Variants in MMP16 observed in about 807,000 individuals in gnomAD.
MMP16 encodes the protein matrix metallopeptidase 16.
In MMP16, 12 loss-of-function variants were observed where a neutral mutation model predicts 67.8. The observed-to-expected ratio is 0.18, with a 90% CI of 0.11 to 0.29. The LOEUF (loss-of-function observed/expected upper bound fraction) is 0.29. MMP16 is among the 10% of genes least tolerant of loss of function. The pLI, the probability that MMP16 is intolerant of heterozygous loss-of-function variation, is 1.00. For synonymous variants in MMP16, 249 were observed against 255.9 expected, an observed-to-expected ratio of 0.97 and a Z score of 0.26; for missense variants, 475 against 765.7, an observed-to-expected ratio of 0.62 and a Z score of 4.48.
intron 4 of MMP16, among the ~76,000 whole-genome samples, chr8:88,127,425 C>T (rs1243397026): frequency 2.6e-5 from 4 of 151,690 alleles, no homozygotes; most frequent in Non-Finnish European, 5.9e-5. Flanking sequence ...ATGAAGGGAA[C>T]AGAAAACAGG....
intron 1 of MMP16, among the ~76,000 whole-genome samples, chr8:88,319,665 G>C (rs986691593): frequency 6.6e-6 from 1 of 152,130 alleles, no homozygotes; most frequent in Admixed American, 6.6e-5. Flanking sequence ...CGCATGCAGA[G>C]GCACATGTCT....
Position 88,197,844 on chromosome 8 carries a change from C to T in MMP16, c.133-538G>A, listed in dbSNP as rs116993412. On this transcript the variant is annotated intron_variant, in intron 1 of 9. Transcript: ENST00000286614. ...TGTAAATTCCATAAAACCATTCTAT[C>T]CAATCGTAGCTAGGTATCTTTTGAT... Among the ~76,000 whole-genome samples, 641 of 152,254 alleles carry T rather than the reference C, an allele frequency of 4.2e-3. 16 individuals carry two copies. Among genetic ancestry groups the T allele is most frequent in the East Asian group, 0.032 (163 of 5,172 alleles).
At position 88,061,660 on chromosome 8, in the gene MMP16, G is replaced by A. The variant is rs1184233839; in HGVS notation, c.1223-5382C>T. ...AGAAGCTTAGTTTATATGTAGTCCCGGTGTCTCAGTAGAGGATAATGTGTG... is the reference window on the plus strand; with the variant it reads ...AGAAGCTTAGTTTATATGTAGTCCCAGTGTCTCAGTAGAGGATAATGTGTG... On this transcript the variant is annotated intron_variant, in intron 7 of 9. Transcript: ENST00000286614. Among the ~76,000 whole-genome samples the A allele has an allele frequency of 2.6e-5, 4 of 151,862 alleles. No individual in the cohort carries two copies. The East Asian group carries it at 5.8e-4, about 22-fold the overall frequency.
chr8:88,238,003 T>C (rs1449728095), intron 1 of MMP16, among the ~76,000 whole-genome samples: 1 of 152,174 alleles, frequency 6.6e-6, no homozygotes, highest in Non-Finnish European at 1.5e-5. Context: ...TAACATGTAC[T>C]TCCTCCAGCC....
intron 6 of MMP16, among the ~76,000 whole-genome samples, chr8:88,110,659 C>T (rs1809319559): frequency 6.6e-6 from 1 of 151,558 alleles, no homozygotes; most frequent in Non-Finnish European, 1.5e-5. Flanking sequence ...TTTTCGGACT[C>T]TCTGCCAACA....
At chr8:88,161,795 T>A (rs1050377422) in intron 4 of MMP16, among the ~76,000 whole-genome samples, 1 of 152,180 alleles carries the variant, frequency 6.6e-6, no homozygotes, top group African/African-American at 2.4e-5. Context: ...ATTTCTGCCT[T>A]CATTTCGTTA....
At chr8:88,250,090 G>A (rs1480396078) in intron 1 of MMP16, among the ~76,000 whole-genome samples, 1 of 151,968 alleles carries the variant, frequency 6.6e-6, no homozygotes, top group Non-Finnish European at 1.5e-5. Context: ...CCAGAAATAT[G>A]TTCTAGCTGT....
At chr8:88,174,473 A>G (rs938574565) in intron 3 of MMP16, among the ~76,000 whole-genome samples, 2 of 152,214 alleles carry the variant, frequency 1.3e-5, no homozygotes, top group African/African-American at 4.8e-5. Context: ...TTATTCAACA[A>G]CCAACTTTCC....
At chr8:88,129,560 G>A (rs1318331874) in intron 4 of MMP16, among the ~76,000 whole-genome samples, 1 of 151,422 alleles carries the variant, frequency 6.6e-6, no homozygotes, top group Non-Finnish European at 1.5e-5. Flanking sequence ...TTTTCTGGAA[G>A]AGCCTGTTTT....
At chr8:88,132,294 G>T (rs527912658) in intron 4 of MMP16, among the ~76,000 whole-genome samples, 129 of 151,962 alleles carry the variant, frequency 8.5e-4, no homozygotes, top group African/African-American at 3.0e-3. Context: ...ACAACTTCAA[G>T]AATGATAATA....
chr8:88,114,055 CA>C (rs1163252352), intron 6 of MMP16, among the ~76,000 whole-genome samples: 1 of 151,672 alleles, frequency 6.6e-6, no homozygotes, highest in East Asian at 1.9e-4. Context: ...AGAAGTGTTT[CA>C]AAAAAACTTT....
chr8:88,303,329 C>G (rs1811159892), intron 1 of MMP16, among the ~76,000 whole-genome samples: 2 of 152,172 alleles, frequency 1.3e-5, no homozygotes, highest in African/African-American at 4.8e-5. Flanking sequence ...ACAAAGTTCC[C>G]AGGGAGAGGG....
chr8:88,043,470 A>G (rs1005801770), intron 9 of MMP16, among the ~76,000 whole-genome samples: 1 of 152,118 alleles, frequency 6.6e-6, no homozygotes, highest in Non-Finnish European at 1.5e-5. Context: ...TTTAGTAGAG[A>G]CAGGGTTTCT....
intron 1 of MMP16, among the ~76,000 whole-genome samples, chr8:88,274,726 T>C (rs1810617881): frequency 1.3e-5 from 2 of 152,046 alleles, no homozygotes; most frequent in South Asian, 4.1e-4. Flanking sequence ...TTCATCTGTG[T>C]TCTTTAAGAA....
chr8:88,089,048 C>A (rs1808890256), intron 6 of MMP16, among the ~76,000 whole-genome samples: 1 of 151,852 alleles, frequency 6.6e-6, no homozygotes. Context: ...AATCTAAAGA[C>A]AAAAGATAAA....
intron 1 of MMP16, among the ~76,000 whole-genome samples, chr8:88,271,164 G>A (rs1041614543): frequency 2.0e-5 from 3 of 152,136 alleles, no homozygotes; most frequent in Non-Finnish European, 4.4e-5. Context: ...TATCTAACCA[G>A]ATAGAAAAAG....
At chr8:88,246,485 G>A (rs1429784812) in intron 1 of MMP16, among the ~76,000 whole-genome samples, 1 of 152,156 alleles carries the variant, frequency 6.6e-6, no homozygotes, top group Non-Finnish European at 1.5e-5. Flanking sequence ...CAACTATTAA[G>A]ATGGTTGAAA....
chr8:88,085,030 T>A (rs1452122644), intron 6 of MMP16, among the ~76,000 whole-genome samples: 1 of 150,430 alleles, frequency 6.6e-6, no homozygotes, highest in Non-Finnish European at 1.5e-5. Context: ...GTAACATATG[T>A]GGACTGGAAA....
chr8:88,087,575 T>C (rs1161812523), intron 6 of MMP16, among the ~76,000 whole-genome samples: 1 of 151,814 alleles, frequency 6.6e-6, no homozygotes, highest in Non-Finnish European at 1.5e-5. Flanking sequence ...CTCACCAGAA[T>C]TCACCATACC....
Sources: gnomAD v4.1 joint callset for allele counts (sites outside exome capture counted in the v4.1 genomes callset) on GRCh38, gnomAD v4.1.1 for gene constraint, MANE v1.5 for transcripts, NCBI Gene and HGNC (gene_info 2026-07-23, HGNC 2026-07-21) for gene names.